Variants in CPNE4 observed in about 807,000 individuals in gnomAD.
The protein encoded by CPNE4 is copine-4.
Under a neutral mutation model 67.9 loss-of-function variants are expected in CPNE4, and 25 were observed. The ratio of observed to expected loss-of-function variants is 0.37; its 90% CI spans 0.27 to 0.51. The LOEUF is 0.51. Ranked by LOEUF, CPNE4 falls within the 20% of genes least tolerant of loss-of-function variation. The pLI is 0.93. For missense variants in CPNE4, 464 were observed against 690.8 expected, an observed-to-expected ratio of 0.67 and a Z score of 3.68; for synonymous variants, 242 against 244.9, an observed-to-expected ratio of 0.99 and a Z score of 0.11.
intron 7 of CPNE4, among the ~76,000 whole-genome samples, chr3:131,592,714 G>A (rs1468552602): frequency 6.6e-6 from 1 of 151,856 alleles, no homozygotes; most frequent in East Asian, 1.9e-4. Flanking sequence ...TTAGAATCAA[G>A]GTCTCATGAG....
At chr3:132,001,432 C>A (rs1048668406) in intron 1 of CPNE4, among the ~76,000 whole-genome samples, 3 of 151,476 alleles carry the variant, frequency 2.0e-5, no homozygotes, top group Non-Finnish European at 4.4e-5. Context: ...TGGCTGGCTA[C>A]AAATGGACCA....
Position 131,993,294 on chromosome 3 carries a change from T to C in CPNE4, c.-2+41273A>G, listed in dbSNP as rs187839076. Among the ~76,000 whole-genome samples the C allele has an allele frequency of 9.1e-4, 123 of 134,934 alleles. 30 individuals are homozygous for C. The highest frequency in any genetic ancestry group is 2.9e-3 in the South Asian group (11 of 3,786). The allele number at this position is 134,934 out of a possible 152,430, so 88.5% of individuals were successfully genotyped here. On this transcript the variant is annotated intron_variant, in intron 1 of 15. Transcript: ENST00000429747. ...TGCTATGTGAAGTTAAGTAGATTGA[T>C]AAATGCTGTCCAGGTTCAGGACCTT... is the stretch of plus-strand genomic sequence containing the variant.
At chr3:131,818,133 T>C (rs549781490) in intron 2 of CPNE4, among the ~76,000 whole-genome samples, 1 of 152,250 alleles carries the variant, frequency 6.6e-6, no homozygotes, top group Non-Finnish European at 1.5e-5. Context: ...AATGCCTTAC[T>C]GTCAGTGTCA....
At chr3:131,776,835 C>T (rs550925170) in intron 2 of CPNE4, among the ~76,000 whole-genome samples, 9 of 152,258 alleles carry the variant, frequency 5.9e-5, no homozygotes, top group African/African-American at 2.2e-4. Context: ...AACTCCCTTC[C>T]TCATCCTCCC....
intron 1 of CPNE4, among the ~76,000 whole-genome samples, chr3:131,942,457 T>TGGGA (rs2071420902): frequency 3.3e-5 from 2 of 60,980 alleles, no homozygotes; most frequent in African/African-American, 7.6e-5. Context: ...TGTGTGTGTG[T>TGGGA]GTGTGTGAGA....
intron 7 of CPNE4, chr3:131,620,543 C>A: frequency 1.3e-6 from 1 of 763,330 alleles, no homozygotes; most frequent in Non-Finnish European, 1.6e-6. Flanking sequence ...ATACCCTTAT[C>A]CCTGGGACCT....
chr3:131,667,450 TGTGA>T (rs951061577), intron 7 of CPNE4, among the ~76,000 whole-genome samples: 31 of 151,918 alleles, frequency 2.0e-4, no homozygotes, highest in South Asian at 1.2e-3. Flanking sequence ...CAGCAGGGTG[TGTGA>T]GTGTGTATGT....
At chr3:131,846,047 A>C (rs1359609362) in intron 2 of CPNE4, among the ~76,000 whole-genome samples, 1 of 152,196 alleles carries the variant, frequency 6.6e-6, no homozygotes, top group Non-Finnish European at 1.5e-5. Flanking sequence ...CAATAGCACA[A>C]GGTGTGAAGC....
At chr3:131,759,133 G>A (rs2082827796) in intron 2 of CPNE4, among the ~76,000 whole-genome samples, 1 of 152,118 alleles carries the variant, frequency 6.6e-6, no homozygotes, top group South Asian at 2.1e-4. Flanking sequence ...CAAGAAGGAT[G>A]GAACAAATCA....
chr3:131,938,387 TA>T (rs1320498130), intron 1 of CPNE4, among the ~76,000 whole-genome samples: 1 of 151,454 alleles, frequency 6.6e-6, no homozygotes, highest in Admixed American at 6.6e-5. Flanking sequence ...AATTTTTAAA[TA>T]AAAAAATAAA....
chr3:131,854,833 T>C (rs1332043509), intron 2 of CPNE4, among the ~76,000 whole-genome samples: 1 of 151,610 alleles, frequency 6.6e-6, no homozygotes, highest in Non-Finnish European at 1.5e-5. Context: ...TCCTTTCATT[T>C]CCACTTCCTT....
At chr3:131,637,589 G>C (rs1421141879) in intron 7 of CPNE4, among the ~76,000 whole-genome samples, 1 of 152,172 alleles carries the variant, frequency 6.6e-6, no homozygotes, top group Admixed American at 6.5e-5. Flanking sequence ...CAAGGAAGAA[G>C]AGAAATCTAA....
chr3:131,781,141 C>T (rs544084444), intron 2 of CPNE4, among the ~76,000 whole-genome samples: 37 of 152,100 alleles, frequency 2.4e-4, no homozygotes, highest in South Asian at 2.1e-4. Flanking sequence ...TCAGTAAACC[C>T]GGGTATGGAT....
rs571211973 is a variant in CPNE4, at chr3:131,750,976, C to T, written c.181-27351G>A. On this transcript the variant is annotated intron_variant, in intron 2 of 15. Coordinates refer to ENST00000429747, the MANE Select transcript of CPNE4 (RefSeq NM_130808.3). The stretch of plus-strand genomic sequence containing the variant: ...GAACTGGAAAAATATTATGCCCCTT[C>T]CTTCTTTCTTCTATGTCTTTTGATG... Among the ~76,000 whole-genome samples the T allele has an allele frequency of 3.3e-5, 5 of 152,174 alleles. No individual in the cohort carries two copies. In the East Asian group the frequency reaches 9.6e-4, roughly 29 times the overall value.
intron 7 of CPNE4, among the ~76,000 whole-genome samples, chr3:131,607,304 G>A (rs1939566427): frequency 6.6e-6 from 1 of 151,470 alleles, no homozygotes; most frequent in Non-Finnish European, 1.5e-5. Context: ...TATCCCACCA[G>A]GCTTATTTCC....
At chr3:131,738,034 AT>A (rs1359367150) in intron 2 of CPNE4, among the ~76,000 whole-genome samples, 1 of 152,214 alleles carries the variant, frequency 6.6e-6, no homozygotes, top group Non-Finnish European at 1.5e-5. Context: ...AGCTAGATAC[AT>A]CTCCATCCAT....
At chr3:131,959,423 G>T (rs139454075) in intron 1 of CPNE4, among the ~76,000 whole-genome samples, 1 of 152,158 alleles carries the variant, frequency 6.6e-6, no homozygotes, top group Non-Finnish European at 1.5e-5. Flanking sequence ...AGTAAAGTGT[G>T]TAGAGTACAG....
intron 1 of CPNE4, among the ~76,000 whole-genome samples, chr3:132,022,008 T>C (rs2074008262): frequency 6.6e-6 from 1 of 152,220 alleles, no homozygotes; most frequent in Non-Finnish European, 1.5e-5. Context: ...GATATTCCCA[T>C]AGGATTAGGC....
chr3:131,957,263 A>G (rs6808738), intron 1 of CPNE4, among the ~76,000 whole-genome samples: 26,762 of 152,184 alleles, frequency 0.18, 2,850 homozygotes, highest in African/African-American at 0.3. Flanking sequence ...TAATGTCTCC[A>G]TGCCCATCAG....
Sources: gnomAD v4.1 joint callset for allele counts (sites outside exome capture counted in the v4.1 genomes callset) on GRCh38, gnomAD v4.1.1 for gene constraint, MANE v1.5 for transcripts, NCBI Gene and HGNC (gene_info 2026-07-23, HGNC 2026-07-21) for gene names.